ODAD2: variants seen among roughly 807,000 people sequenced by gnomAD.
The protein encoded by ODAD2 is outer dynein arm-docking complex subunit 2.
Under a neutral mutation model 106.8 loss-of-function variants are expected in ODAD2, and 89 were observed. That is an observed-to-expected ratio of 0.83 (90% CI 0.70 to 0.99). The LOEUF is 0.99. Among genes scored for constraint, ODAD2 ranks in the 50% least tolerant of loss-of-function variants. The pLI is 0.00. For missense variants in ODAD2, 1,168 were observed against 1,238.5 expected (o/e 0.94, Z 0.85); for synonymous variants, 404 against 436.2 (o/e 0.93, Z 0.92).
intron 16 of ODAD2, among the ~76,000 whole-genome samples, chr10:27,928,791 G>T (rs760466034): frequency 6.6e-6 from 1 of 151,764 alleles, no homozygotes; most frequent in East Asian, 1.9e-4. Flanking sequence ...TATTTCTACC[G>T]CAACAATACT....
Position 27,940,774 on chromosome 10 carries a change from G to A in ODAD2, c.1775C>T (p.Thr592Ile), listed in dbSNP as rs913433399. ...VALLDCAHDSTKPAQSSLYEA... is the reference protein window; with the variant it reads ...VALLDCAHDSIKPAQSSLYEA... ...ATACAGACTCGATTGGGCAGGTTTT[G>A]TGGAATCATGTGCACAGTCTAGTAG... The change falls in exon 13 of 20, where the codon ACA becomes ATA. Residue 592 changes from threonine (T) to isoleucine (I), a missense_variant. Thr to Ile is a moderately conservative substitution (Grantham distance 89). Coordinates refer to ENST00000305242, the MANE Select transcript of ODAD2 (RefSeq NM_018076.5). 13 of 1,613,936 alleles carry A rather than the reference G, an allele frequency of 8.1e-6. No homozygotes were observed. The East Asian group carries it at 8.9e-5, about 11-fold the overall frequency.
chr10:27,944,201 GACA>G lies in ODAD2; in HGVS notation c.1743+18_1743+20del, dbSNP rs1846689020. 1 of 1,598,288 alleles carries G rather than the reference GACA, an allele frequency of 6.3e-7. No individual in the cohort carries two copies. On this transcript the variant is annotated intron_variant, in intron 12 of 19. Transcript: ENST00000305242. ...GTGGCGGCTGGCACTAGATGACGAT[GACA>G]ACATCACGGCTACTCACCAGTTTGG...
At chr10:27,850,878 A>C (rs1381064101) in intron 19 of ODAD2, among the ~76,000 whole-genome samples, 1 of 152,226 alleles carries the variant, frequency 6.6e-6, no homozygotes, top group African/African-American at 2.4e-5. Context: ...AGGCTACAGC[A>C]CAGGGAGGGA....
intron 19 of ODAD2, among the ~76,000 whole-genome samples, chr10:27,852,955 A>G (rs571074364): frequency 7.1e-4 from 85 of 119,842 alleles, no homozygotes; most frequent in Non-Finnish European, 1.2e-3. Flanking sequence ...AACGAGACAC[A>G]GTCTCAAAAA....
chr10:27,827,122 T>C (rs1223962768), intron 19 of ODAD2, among the ~76,000 whole-genome samples: 5 of 152,188 alleles, frequency 3.3e-5, no homozygotes, highest in African/African-American at 1.2e-4. Flanking sequence ...CTTGACTTTG[T>C]GAAAATAACA....
At chr10:27,856,598 C>G (rs1484166867) in intron 19 of ODAD2, among the ~76,000 whole-genome samples, 1 of 152,320 alleles carries the variant, frequency 6.6e-6, no homozygotes, top group East Asian at 1.9e-4. Flanking sequence ...TCTCCACTCT[C>G]CACTCTCCAC....
intron 19 of ODAD2, among the ~76,000 whole-genome samples, chr10:27,845,406 G>A (rs1010511324): frequency 8.5e-5 from 13 of 152,104 alleles, no homozygotes; most frequent in Non-Finnish European, 2.9e-5. Flanking sequence ...TGCCCTAAAA[G>A]AGCTCCTGAA....
chr10:27,843,071 A>G (rs757553950), intron 19 of ODAD2, among the ~76,000 whole-genome samples: 17 of 152,238 alleles, frequency 1.1e-4, no homozygotes, highest in Admixed American at 6.5e-5. Context: ...AATGTCTGTG[A>G]TTACATTTAA....
At chr10:27,973,931 T>C (rs955211300) in intron 7 of ODAD2, among the ~76,000 whole-genome samples, 1 of 152,194 alleles carries the variant, frequency 6.6e-6, no homozygotes, top group Non-Finnish European at 1.5e-5. Context: ...TTTCTGCAAC[T>C]TCACCAGCAT....
intron 19 of ODAD2, among the ~76,000 whole-genome samples, chr10:27,827,619 T>A (rs1180570023): frequency 6.6e-6 from 1 of 151,948 alleles, no homozygotes; most frequent in Non-Finnish European, 1.5e-5. Flanking sequence ...GTCAATTATC[T>A]CTTGAATCCA....
At chr10:27,901,898 G>A (rs562031409) in intron 17 of ODAD2, among the ~76,000 whole-genome samples, 6 of 151,960 alleles carry the variant, frequency 3.9e-5, no homozygotes, top group African/African-American at 1.2e-4. Context: ...TTAGATCAAC[G>A]AGACAGAAAA....
chr10:27,979,401 T>A (rs951176489), intron 7 of ODAD2, among the ~76,000 whole-genome samples: 1 of 150,616 alleles, frequency 6.6e-6, no homozygotes, highest in Non-Finnish European at 1.5e-5. Flanking sequence ...GCAGATGGCA[T>A]GATCTTGTAT....
rs930854297 is a variant in ODAD2 at position 27,884,155 on chromosome 10, T to A, written c.2611-21533A>T. On this transcript the variant is annotated intron_variant, in intron 17 of 19. Coordinates refer to ENST00000305242, the MANE Select transcript of ODAD2 (RefSeq NM_018076.5). ...AGTGAAACTATTGAAAGACAAAGAATCTTGAAAGTTGCAAGAGAAAATGAC... is the reference window on the plus strand; with the variant it reads ...AGTGAAACTATTGAAAGACAAAGAAACTTGAAAGTTGCAAGAGAAAATGAC... 4.6e-5 allele frequency among the ~76,000 whole-genome samples: 7 copies of A among 152,120 alleles called. No individual in the cohort carries two copies. The East Asian group carries it at 1.4e-3, about 29-fold the overall frequency.
rs550249413 is a variant in ODAD2 at position 27,957,856 on chromosome 10, C to T, written c.1386+3712G>A. Among the ~76,000 whole-genome samples, 15 of 152,028 alleles carry T rather than the reference C, an allele frequency of 9.9e-5. No individual in the cohort carries two copies. In the South Asian group the frequency reaches 2.7e-3, roughly 27 times the overall value. On this transcript the variant is annotated intron_variant, in intron 10 of 19. Transcript: ENST00000305242. ...GCTCGTTAAATCTTTTTTTTTCCAA[C>T]AATCAGAGACATCACTCTACTTGGA...
chr10:27,879,674 T>C (rs531603689), intron 17 of ODAD2, among the ~76,000 whole-genome samples: 1 of 152,228 alleles, frequency 6.6e-6, no homozygotes, highest in East Asian at 1.9e-4. Flanking sequence ...TATGAAGAGA[T>C]TGTTTTCCAA....
At chr10:27,987,269 G>A (rs1849929530) in intron 3 of ODAD2, 117 bp downstream of exon 3, 1 of 893,236 alleles carries the variant, frequency 1.1e-6, no homozygotes. Context: ...TTTTTACCTT[G>A]TAGATTGTAG....
chr10:27,879,407 T>A (rs560581822), intron 17 of ODAD2, among the ~76,000 whole-genome samples: 1 of 151,840 alleles, frequency 6.6e-6, no homozygotes, highest in African/African-American at 2.4e-5. Flanking sequence ...TGTATATCTA[T>A]GCATATGTCT....
intron 14 of ODAD2, among the ~76,000 whole-genome samples, chr10:27,938,396 GGGAAAA>G (rs1314906268): frequency 1.3e-5 from 2 of 152,084 alleles, no homozygotes; most frequent in Non-Finnish European, 2.9e-5. Context: ...GGAGGACACA[GGGAAAA>G]GGCAGCCGTC....
At chr10:27,944,721 A>G in intron 11 of ODAD2, 95 bp downstream of exon 11, 3 of 1,458,244 alleles carry the variant, frequency 2.1e-6, no homozygotes, top group Non-Finnish European at 2.8e-6. Context: ...AAAGACAAGA[A>G]CCAGGCAACG....
Sources: allele counts gnomAD v4.1 joint callset (sites outside exome capture counted in the v4.1 genomes callset), GRCh38; gene constraint gnomAD v4.1.1; transcripts MANE v1.5; gene names NCBI Gene and HGNC (gene_info 2026-07-23, HGNC 2026-07-21).